The following NALF1 variants were observed in gnomAD, a reference collection of about 807,000 sequenced individuals.
NALF1 encodes the protein family with sequence similarity 155 member A.
NALF1 carries 3 observed loss-of-function variants against 48.4 expected under a neutral mutation model. The ratio of observed to expected loss-of-function variants is 0.06; its 90% CI spans 0.03 to 0.16. The LOEUF (loss-of-function observed/expected upper bound fraction) is 0.16, where lower values mean the gene tolerates loss of function less well. NALF1 is among the 10% of genes least tolerant of loss of function. The pLI is 1.00. For synonymous variants in NALF1, 262 were observed against 245.7 expected (o/e 1.07, Z -0.62); for missense variants, 526 against 571.5 (o/e 0.92, Z 0.81).
At chr13:107,662,499 C>T (rs879852455) in intron 1 of NALF1, among the ~76,000 whole-genome samples, 10 of 152,114 alleles carry the variant, frequency 6.6e-5, no homozygotes, top group Admixed American at 2.6e-4. Flanking sequence ...CTAGCAGATA[C>T]ACAAATACCT....
chr13:107,694,323 T>G (rs1881647405), intron 1 of NALF1, among the ~76,000 whole-genome samples: 1 of 149,140 alleles, frequency 6.7e-6, no homozygotes, highest in African/African-American at 2.5e-5. Context: ...CATTTTTTTT[T>G]GCCTCTCTCC....
chr13:107,611,981 A>AG lies in NALF1; in HGVS notation c.915+253700dup, dbSNP rs1246543861. Among the ~76,000 whole-genome samples, 2,630 of 144,152 alleles carry AG rather than the reference A, an allele frequency of 0.018. 180 individuals carry two copies. The East Asian group carries it at 0.25, about 14-fold the overall frequency. 94.6% of individuals were successfully genotyped at this position (144,152 alleles called of 152,430 possible). On this transcript the variant is annotated intron_variant, in intron 1 of 2. Coordinates refer to ENST00000375915, the MANE Select transcript of NALF1 (RefSeq NM_001080396.3). Reference sequence around the variant, plus strand: ...AGGCACGAAGAAGAAAGAAGAGAAGAGAAGAGGAGAGGAGAGGAGAGAGAC... The same window carrying AG: ...AGGCACGAAGAAGAAAGAAGAGAAGAGGAAGAGGAGAGGAGAGGAGAGAGAC...
At chr13:107,667,737 T>C (rs1880896281) in intron 1 of NALF1, among the ~76,000 whole-genome samples, 1 of 152,166 alleles carries the variant, frequency 6.6e-6, no homozygotes, top group Non-Finnish European at 1.5e-5. Context: ...TTAATTTGTG[T>C]AACTTCTACA....
intron 2 of NALF1, among the ~76,000 whole-genome samples, 190 bp downstream of exon 2, chr13:107,210,394 G>A (rs1419055819): frequency 6.6e-6 from 1 of 152,138 alleles, no homozygotes; most frequent in African/African-American, 2.4e-5. Flanking sequence ...AGACCATGTG[G>A]TACAGAAGCT....
intron 1 of NALF1, among the ~76,000 whole-genome samples, chr13:107,643,456 A>G (rs1024663702): frequency 6.6e-6 from 1 of 151,744 alleles, no homozygotes; most frequent in African/African-American, 2.4e-5. Context: ...TGTGTAAGTT[A>G]CAGGAAGGGC....
At chr13:107,589,556 T>C (rs1290661396) in intron 1 of NALF1, among the ~76,000 whole-genome samples, 9 of 151,968 alleles carry the variant, frequency 5.9e-5, no homozygotes, top group African/African-American at 2.2e-4. Context: ...ATCCAGGGTA[T>C]TTTTTTCCCT....
intron 1 of NALF1, among the ~76,000 whole-genome samples, chr13:107,741,979 C>T (rs901664213): frequency 2.0e-5 from 3 of 152,124 alleles, no homozygotes; most frequent in Non-Finnish European, 2.9e-5. Context: ...CTAATAATAA[C>T]AATAACAATC....
chr13:107,400,526 C>T (rs1883786870), intron 1 of NALF1, among the ~76,000 whole-genome samples: 1 of 151,704 alleles, frequency 6.6e-6, no homozygotes. Context: ...CCATCCTGGC[C>T]AACATGGTGA....
At chr13:107,679,779 A>G (rs574356702) in intron 1 of NALF1, among the ~76,000 whole-genome samples, 1 of 152,284 alleles carries the variant, frequency 6.6e-6, no homozygotes, top group South Asian at 2.1e-4. Context: ...GGATCTTTCC[A>G]TGGAAGCTCC....
At chr13:107,577,551 T>C (rs1878188584) in intron 1 of NALF1, among the ~76,000 whole-genome samples, 2 of 152,182 alleles carry the variant, frequency 1.3e-5, no homozygotes, top group Non-Finnish European at 2.9e-5. Flanking sequence ...GTGTTCATAA[T>C]TCTTTTGAAA....
intron 1 of NALF1, among the ~76,000 whole-genome samples, chr13:107,703,261 TTAAA>T (rs1486942611): frequency 6.6e-6 from 1 of 151,990 alleles, no homozygotes; most frequent in Admixed American, 6.6e-5. Context: ...TTCTAACTAT[TTAAA>T]TACTTTTTCC....
chr13:107,547,175 C>T (rs1039718904), intron 1 of NALF1, among the ~76,000 whole-genome samples: 11 of 152,150 alleles, frequency 7.2e-5, no homozygotes, highest in African/African-American at 1.7e-4. Flanking sequence ...ATTCATTCTT[C>T]GACTTCAACC....
rs375905472 is a variant in NALF1 at position 107,505,737 on chromosome 13, T to C, written c.916-294982A>G. ...AACAGAGATGGTCAAGAGAGCTTCA[T>C]AGTAGGTCACTGGATGCTGGTCTTG... On this transcript the variant is annotated intron_variant, in intron 1 of 2. Transcript: ENST00000375915. Among the ~76,000 whole-genome samples, 16 of 152,306 alleles carry C rather than the reference T, an allele frequency of 1.1e-4. No individual in the cohort carries two copies. The East Asian group carries it at 3.1e-3, about 29-fold the overall frequency.
chr13:107,525,252 T>C (rs1352235622), intron 1 of NALF1, among the ~76,000 whole-genome samples: 2 of 152,090 alleles, frequency 1.3e-5, no homozygotes, highest in African/African-American at 2.4e-5. Flanking sequence ...AACTCCCTCA[T>C]ACAATCCACT....
intron 1 of NALF1, among the ~76,000 whole-genome samples, chr13:107,461,846 A>G (rs1172912004): frequency 6.6e-6 from 1 of 152,142 alleles, no homozygotes; most frequent in East Asian, 1.9e-4. Context: ...TCCAGGCAAA[A>G]AGAGCCAACA....
At chr13:107,349,033 C>T (rs1168363398) in intron 1 of NALF1, among the ~76,000 whole-genome samples, 1 of 152,076 alleles carries the variant, frequency 6.6e-6, no homozygotes, top group Non-Finnish European at 1.5e-5. Flanking sequence ...CACAGTCACT[C>T]CAGTACTGCA....
At chr13:107,758,257 T>C (rs182260266) in intron 1 of NALF1, among the ~76,000 whole-genome samples, 2 of 152,352 alleles carry the variant, frequency 1.3e-5, no homozygotes, top group Admixed American at 6.5e-5. Context: ...TAAGTGTGGG[T>C]GTTAGGCTAA....
chr13:107,707,828 A>T (rs1451925013), intron 1 of NALF1, among the ~76,000 whole-genome samples: 8 of 152,160 alleles, frequency 5.3e-5, no homozygotes, highest in Admixed American at 5.2e-4. Context: ...ACAATTAGCC[A>T]ATGTCTTTTG....
rs145219492 is a variant in NALF1, at chr13:107,525,492, T to C, written c.916-314737A>G. ...TGACTAGAATTTCATAGTATAGTTG[T>C]ACCACAGTTTGTTCATCCTTTCACC... On this transcript the variant is annotated intron_variant, in intron 1 of 2. Transcript: ENST00000375915. Among the ~76,000 whole-genome samples, 37 of 152,264 alleles carry C rather than the reference T, an allele frequency of 2.4e-4. No homozygotes were observed. In the East Asian group the frequency reaches 6.6e-3, roughly 27 times the overall value.
Sources: allele counts gnomAD v4.1 joint callset (sites outside exome capture counted in the v4.1 genomes callset), GRCh38; gene constraint gnomAD v4.1.1; transcripts MANE v1.5; gene names NCBI Gene and HGNC (gene_info 2026-07-23, HGNC 2026-07-21).